TMEM135: variants seen among roughly 807,000 people sequenced by gnomAD.
The protein encoded by TMEM135 is transmembrane protein 135.
Under a neutral mutation model 60.3 loss-of-function variants are expected in TMEM135, and 30 were observed. The ratio of observed to expected loss-of-function variants is 0.50; its 90% CI spans 0.37 to 0.68. The LOEUF (loss-of-function observed/expected upper bound fraction) is 0.68. TMEM135 is among the 30% of genes least tolerant of loss of function. The probability of loss-of-function intolerance (pLI) is 0.00; values close to 1 mark genes in which losing one functional copy is unlikely to be tolerated. For synonymous variants in TMEM135, 190 were observed against 186.7 expected, an observed-to-expected ratio of 1.02 and a Z score of -0.14; for missense variants, 468 against 548.8, an observed-to-expected ratio of 0.85 and a Z score of 1.47.
intron 6 of TMEM135, among the ~76,000 whole-genome samples, chr11:87,263,534 G>T (rs301603): frequency 6.6e-6 from 1 of 151,872 alleles, no homozygotes; most frequent in Middle Eastern, 3.2e-3. Flanking sequence ...TGATTCTTAC[G>T]TATTAAAAGT....
At chr11:87,053,181 G>T (rs1477639701) in intron 1 of TMEM135, among the ~76,000 whole-genome samples, 5 of 86,082 alleles carry the variant, frequency 5.8e-5, no homozygotes, top group Non-Finnish European at 1.0e-4. Context: ...GGGGGAGGGG[G>T]GAGGGATAGC....
intron 7 of TMEM135, among the ~76,000 whole-genome samples, chr11:87,300,726 G>A (rs941690861): frequency 1.1e-4 from 16 of 152,302 alleles, no homozygotes; most frequent in Admixed American, 5.9e-4. Flanking sequence ...GGATATAACA[G>A]CAAAGAAGAT....
chr11:87,249,410 A>T (rs1014510189), intron 6 of TMEM135, among the ~76,000 whole-genome samples: 6 of 152,102 alleles, frequency 3.9e-5, no homozygotes, highest in Non-Finnish European at 8.8e-5. Flanking sequence ...TATCTTTTCA[A>T]AAAAACCAAC....
At chr11:87,095,673 C>A (rs1430305464) in intron 4 of TMEM135, 7 of 183,852 alleles carry the variant, frequency 3.8e-5, no homozygotes, top group Non-Finnish European at 5.8e-5. Flanking sequence ...GGTTTTGTGT[C>A]ACTATTTTAA....
chr11:87,165,358 A>G (rs1028041022), intron 5 of TMEM135, among the ~76,000 whole-genome samples: 12 of 129,526 alleles, frequency 9.3e-5, no homozygotes, highest in African/African-American at 3.6e-4. Flanking sequence ...ATTTGCGTAT[A>G]TTGAACCAGC....
intron 6 of TMEM135, among the ~76,000 whole-genome samples, chr11:87,251,694 T>C (rs931739168): frequency 1.3e-5 from 2 of 152,156 alleles, no homozygotes; most frequent in African/African-American, 4.8e-5. Flanking sequence ...ATATTTCCTA[T>C]TCTAATTTAT....
At chr11:87,134,550 A>G (rs1466634865) in intron 4 of TMEM135, among the ~76,000 whole-genome samples, 4 of 152,154 alleles carry the variant, frequency 2.6e-5, no homozygotes, top group Non-Finnish European at 5.9e-5. Context: ...TAGCATTATC[A>G]CATCTCACTG....
intron 6 of TMEM135, among the ~76,000 whole-genome samples, chr11:87,292,644 ATTTTAAAGATTCT>A (rs1942286814): frequency 6.6e-6 from 1 of 152,150 alleles, no homozygotes; most frequent in Non-Finnish European, 1.5e-5. Context: ...TCATATTACT[ATTTTAAAGATTCT>A]TTTTATGGGA....
chr11:87,070,270 T>C (rs1432626624), intron 2 of TMEM135, among the ~76,000 whole-genome samples: 3 of 152,192 alleles, frequency 2.0e-5, no homozygotes, highest in African/African-American at 7.2e-5. Context: ...TAATTTCTTA[T>C]AATTTTTACT....
At chr11:87,140,435 GT>G (rs1293031444) in intron 4 of TMEM135, among the ~76,000 whole-genome samples, 4 of 152,294 alleles carry the variant, frequency 2.6e-5, no homozygotes, top group Non-Finnish European at 5.9e-5. Context: ...AGAGCAAAAG[GT>G]TTTTAATTTT....
chr11:87,319,432 G>A, intron 14 of TMEM135, 55 bp downstream of exon 14: 1 of 1,285,354 alleles, frequency 7.8e-7, no homozygotes, highest in African/African-American at 1.5e-5. Context: ...ATCTTTTTGA[G>A]GGAATATTCT....
At chr11:87,310,339 T>C (rs1942620560) in intron 10 of TMEM135, among the ~76,000 whole-genome samples, 1 of 152,140 alleles carries the variant, frequency 6.6e-6, no homozygotes, top group Non-Finnish European at 1.5e-5. Context: ...ATGGAATCAC[T>C]AATATGTAAA....
At chr11:87,255,656 G>A (rs1336196092) in intron 6 of TMEM135, among the ~76,000 whole-genome samples, 23 of 148,428 alleles carry the variant, frequency 1.5e-4, no homozygotes, top group Non-Finnish European at 1.2e-4. Flanking sequence ...TCTCTTGAAA[G>A]AAAAAAAAAA....
intron 5 of TMEM135, among the ~76,000 whole-genome samples, chr11:87,162,254 G>T (rs1488823194): frequency 6.6e-6 from 1 of 151,802 alleles, no homozygotes; most frequent in Non-Finnish European, 1.5e-5. Flanking sequence ...TAAGTTCTGG[G>T]ATACATGTGC....
At chr11:87,119,935 C>A (rs952202842) in intron 4 of TMEM135, among the ~76,000 whole-genome samples, 2 of 150,960 alleles carry the variant, frequency 1.3e-5, no homozygotes, top group Admixed American at 6.6e-5. Context: ...AGATTGCCTG[C>A]ATATGCATAT....
intron 4 of TMEM135, among the ~76,000 whole-genome samples, chr11:87,147,038 A>G (rs1161172632): frequency 1.3e-5 from 2 of 152,220 alleles, no homozygotes; most frequent in African/African-American, 2.4e-5. Context: ...TGATTGAAAT[A>G]TATTATAATA....
At position 87,038,697 on chromosome 11, in the gene TMEM135, G is replaced by A. The variant is rs188796589; in HGVS notation, c.141+511G>A. 6.3e-4 allele frequency among the ~76,000 whole-genome samples: 95 copies of A among 150,176 alleles called. 1 individual carries two copies. The highest frequency in any genetic ancestry group is 3.4e-3 in the Middle Eastern group (1 of 294). ...ATCTTGACTCAGTTTTGAGATGACA[G>A]GATTGTGATTTGGGGGTTTTGCAAG... is the stretch of plus-strand genomic sequence containing the variant. On this transcript the variant is annotated intron_variant, in intron 1 of 14. Transcript: ENST00000305494.
chr11:87,159,617 A>ACACACACACACACACACACCCCCCCCC (rs140303858), intron 5 of TMEM135, among the ~76,000 whole-genome samples: 6 of 149,454 alleles, frequency 4.0e-5, no homozygotes, highest in African/African-American at 1.5e-4. Flanking sequence ...ACACACACAC[A>ACACACACACACACACACACCCCCCCCC]CCATAGATTT....
chr11:87,072,939 T>C (rs1590997221), intron 3 of TMEM135, among the ~76,000 whole-genome samples: 4 of 152,230 alleles, frequency 2.6e-5, no homozygotes, highest in African/African-American at 9.6e-5. Context: ...AAACCACTTA[T>C]GAAGATGCTT....
Sources: allele counts gnomAD v4.1 joint callset (sites outside exome capture counted in the v4.1 genomes callset), GRCh38; gene constraint gnomAD v4.1.1; transcripts MANE v1.5; gene names NCBI Gene and HGNC (gene_info 2026-07-23, HGNC 2026-07-21).